TET1: variants seen among roughly 807,000 people sequenced by gnomAD.
TET1 encodes tet methylcytosine dioxygenase 1.
TET1 carries 13 observed loss-of-function variants against 148.7 expected under a neutral mutation model. The ratio of observed to expected loss-of-function variants is 0.09; its 90% CI spans 0.06 to 0.14. TET1 has a LOEUF of 0.14. Among genes scored for constraint, TET1 ranks in the 10% least tolerant of loss-of-function variants. The pLI, the probability that TET1 is intolerant of heterozygous loss-of-function variation, is 1.00. For missense variants in TET1, 2,182 were observed against 2,553.8 expected (o/e 0.85, Z 3.14); for synonymous variants, 907 against 937.2 (o/e 0.97, Z 0.59).
chr10:68,561,259 C>T (rs1160199203), intron 1 of TET1, among the ~76,000 whole-genome samples: 1 of 152,010 alleles, frequency 6.6e-6, no homozygotes, highest in African/African-American at 2.4e-5. Context: ...TCTCCCTCCC[C>T]CCATATATAT....
chr10:68,624,672 C>T (rs760449499), intron 3 of TET1, among the ~76,000 whole-genome samples: 20,398 of 99,976 alleles, frequency 0.2, 1,935 homozygotes, highest in African/African-American at 0.26. Flanking sequence ...CTCTCTCTCT[C>T]TCTCTCTCTC....
At chr10:68,690,760 T>C (rs1277946372) in intron 11 of TET1, 48 bp from the exon 12 acceptor site, 1 of 1,517,452 alleles carries the variant, frequency 6.6e-7, no homozygotes, top group Admixed American at 2.2e-5. Context: ...AGGCAACCCC[T>C]ACCAAAAGTA....
At chr10:68,610,816 C>T (rs2054198131) in intron 3 of TET1, among the ~76,000 whole-genome samples, 1 of 151,938 alleles carries the variant, frequency 6.6e-6, no homozygotes, top group Non-Finnish European at 1.5e-5. Context: ...CCACCAATCC[C>T]GCCTAATTTT....
At chr10:68,655,186 G>A (rs536627025) in intron 6 of TET1, among the ~76,000 whole-genome samples, 6 of 152,108 alleles carry the variant, frequency 3.9e-5, no homozygotes, top group Non-Finnish European at 7.4e-5. Flanking sequence ...TTTAAAGAAA[G>A]AAACAAAGAA....
intron 3 of TET1, among the ~76,000 whole-genome samples, chr10:68,624,104 C>CTTTTT (rs71019040): frequency 2.7e-5 from 4 of 146,136 alleles, no homozygotes; most frequent in Admixed American, 1.4e-4. Flanking sequence ...TCTTTCTTTT[C>CTTTTT]TTTTTTTTTT....
At chr10:68,568,675 G>A (rs2133674577) in intron 1 of TET1, among the ~76,000 whole-genome samples, 1 of 152,160 alleles carries the variant, frequency 6.6e-6, no homozygotes, top group East Asian at 1.9e-4. Context: ...CAAGTGGTGA[G>A]ACTCCATCTC....
At chr10:68,595,983 T>TACAC (rs773605594) in intron 2 of TET1, among the ~76,000 whole-genome samples, 943 of 50,296 alleles carry the variant, frequency 0.019, 24 homozygotes, top group Non-Finnish European at 0.022. Flanking sequence ...CACACATATA[T>TACAC]ACACACACAC....
chr10:68,673,925 C>CTTTCTTTTTCTTTTTTTTTTTTCTT (rs1230881105), intron 8 of TET1, among the ~76,000 whole-genome samples: 1 of 87,950 alleles, frequency 1.1e-5, no homozygotes, highest in Non-Finnish European at 2.3e-5. Context: ...TATCAGATTT[C>CTTTCTTTTTCTTTTTTTTTTTTCTT]TTTCTTTTTC....
chr10:68,634,925 C>G (rs1420300924), intron 3 of TET1, among the ~76,000 whole-genome samples: 4 of 151,848 alleles, frequency 2.6e-5, no homozygotes, highest in Non-Finnish European at 5.9e-5. Flanking sequence ...CCATGCCTGG[C>G]TAATTTTTGT....
In TET1 at chr10:68,655,058, A is replaced by G. The variant is rs116360203; in HGVS notation, c.4461+2464A>G. Among the ~76,000 whole-genome samples, 1,182 of 152,296 alleles carry G rather than the reference A, an allele frequency of 7.8e-3. 17 individuals carry two copies. Among genetic ancestry groups the G allele is most frequent in the African/African-American group, 0.027 (1,118 of 41,560 alleles). The stretch of plus-strand genomic sequence containing the variant: ...ACAGTGTCTTTCTTTCATCACCTCA[A>G]GAGGTTGAGGCCAGGAGTTCAAGGT... On this transcript the variant is annotated intron_variant, in intron 6 of 11. Coordinates refer to ENST00000373644, the MANE Select transcript of TET1 (RefSeq NM_030625.3).
At chr10:68,676,078 T>C (rs1402929977) in intron 8 of TET1, among the ~76,000 whole-genome samples, 1 of 150,456 alleles carries the variant, frequency 6.6e-6, no homozygotes, top group East Asian at 2.0e-4. Flanking sequence ...GCTGGTCTTG[T>C]ACTCCTGACC....
intron 6 of TET1, among the ~76,000 whole-genome samples, chr10:68,653,054 G>T (rs1431040942): frequency 2.0e-5 from 3 of 150,962 alleles, no homozygotes; most frequent in Non-Finnish European, 4.4e-5. Flanking sequence ...TTTTTTGACT[G>T]TAATCAGCTT....
intron 8 of TET1, 63 bp from the exon 9 acceptor site, chr10:68,681,336 G>A (rs1349055025): frequency 6.8e-6 from 7 of 1,029,984 alleles, no homozygotes; most frequent in Admixed American, 1.9e-5. Context: ...TTATGATTCA[G>A]TTGTACCTTA....
chr10:68,598,136 C>T (rs1255120392), intron 2 of TET1, among the ~76,000 whole-genome samples: 1 of 152,234 alleles, frequency 6.6e-6, no homozygotes, highest in Non-Finnish European at 1.5e-5. Context: ...CTCCTGTAAT[C>T]CCAGCACTTT....
intron 2 of TET1, among the ~76,000 whole-genome samples, chr10:68,598,605 G>A (rs1386537323): frequency 6.6e-6 from 1 of 152,132 alleles, no homozygotes; most frequent in Non-Finnish European, 1.5e-5. Flanking sequence ...TGCACTGGTG[G>A]ATGTGCATAT....
chr10:68,573,947 G>A lies in TET1; in HGVS notation c.1609G>A (p.Gly537Ser), dbSNP rs2053700518. The part of the protein sequence containing the change: ...SLGIAQLSQA[G>S]PSKSDRGSSQ... ...GGGTATAGCCCAACTCTCTCAGGCT[G>A]GTCCTAGCAAATCAGACAGAGGGAG... Residue 537 changes from glycine to serine, a missense_variant, in exon 2 of 12, where the codon GGT (glycine) becomes AGT (serine). Transcript: ENST00000373644. The A allele has an allele frequency of 2.5e-6, 4 of 1,614,150 alleles. No individual in the cohort carries two copies. In the South Asian group the frequency reaches 3.3e-5, roughly 13 times the overall value.
intron 11 of TET1, among the ~76,000 whole-genome samples, chr10:68,688,947 G>A (rs1226420542): frequency 6.6e-6 from 1 of 152,116 alleles, no homozygotes; most frequent in African/African-American, 2.4e-5. Flanking sequence ...TATAACATGA[G>A]CAGAGTTGGC....
At chr10:68,575,037 G>A (rs2053712291) in intron 2 of TET1, among the ~76,000 whole-genome samples, 1 of 152,198 alleles carries the variant, frequency 6.6e-6, no homozygotes, top group African/African-American at 2.4e-5. Context: ...ACGCATTAAA[G>A]TTATGTTTAT....
At chr10:68,633,489 C>T (rs1009142710) in intron 3 of TET1, among the ~76,000 whole-genome samples, 4 of 152,040 alleles carry the variant, frequency 2.6e-5, no homozygotes, top group Admixed American at 1.3e-4. Context: ...CCAGTGATCC[C>T]TTCCACTTTA....
Sources: allele counts gnomAD v4.1 joint callset (sites outside exome capture counted in the v4.1 genomes callset), GRCh38; gene constraint gnomAD v4.1.1; transcripts MANE v1.5; gene names NCBI Gene and HGNC (gene_info 2026-07-23, HGNC 2026-07-21).